The following NAV3 variants were observed in gnomAD, a reference collection of about 807,000 sequenced individuals.
NAV3 encodes pore membrane and/or filament interacting like protein 1.
NAV3 carries 87 observed loss-of-function variants against 244.7 expected under a neutral mutation model. The observed-to-expected ratio is 0.36, with a 90% confidence interval of 0.30 to 0.42. The LOEUF (loss-of-function observed/expected upper bound fraction) is 0.42. Ranked by LOEUF, NAV3 falls within the 20% of genes least tolerant of loss-of-function variation. The pLI is 1.00. For synonymous variants in NAV3, 1,126 were observed against 1,042.2 expected (o/e 1.08, Z -1.55); for missense variants, 2,663 against 2,893.3 (o/e 0.92, Z 1.83).
intron 1 of NAV3, among the ~76,000 whole-genome samples, chr12:77,929,419 A>G (rs150934148): frequency 2.5e-4 from 38 of 152,270 alleles, no homozygotes; most frequent in African/African-American, 8.7e-4. Flanking sequence ...GCCAGTCTTT[A>G]TTGAGTGTCT....
At position 77,579,782 on chromosome 12, in the gene NAV3, C is replaced by T. The variant is rs180788384; in HGVS notation, c.72+7516C>T. Reference sequence around the variant, plus strand: ...ATGTCTTTGGGAAGATCCAGTAAAACATAGTACAGCAAAGAGTTAAAAGCA... The same window carrying T: ...ATGTCTTTGGGAAGATCCAGTAAAATATAGTACAGCAAAGAGTTAAAAGCA... On this transcript the variant is annotated intron_variant, in intron 2 of 8. Transcript: ENST00000550042. Among the ~76,000 whole-genome samples, 33 of 152,302 alleles carry T rather than the reference C, an allele frequency of 2.2e-4. No homozygotes were observed. In the East Asian group the frequency reaches 4.4e-3, roughly 20 times the overall value.
chr12:77,845,279 G>A lies in NAV3; in HGVS notation c.243+13575G>A, dbSNP rs76536329. On this transcript the variant is annotated intron_variant, in intron 1 of 39. Transcript: ENST00000397909. ...GTAGTGATTTATGGGATAGAGCTCA[G>A]ATGGGTTTGTGCTTAGATTGGGGCT... is the stretch of plus-strand genomic sequence containing the variant. 6.4e-3 allele frequency among the ~76,000 whole-genome samples: 978 copies of A among 152,278 alleles called. 13 individuals carry two copies. The highest frequency in any genetic ancestry group is 0.022 in the African/African-American group (899 of 41,552).
chr12:77,635,874 G>C (rs952171510), intron 2 of NAV3, among the ~76,000 whole-genome samples: 1 of 152,072 alleles, frequency 6.6e-6, no homozygotes, highest in Non-Finnish European at 1.5e-5. Context: ...CAAAGTAACA[G>C]AGTTAATATA....
intron 8 of NAV3, among the ~76,000 whole-genome samples, chr12:78,017,169 CT>C (rs1876366541): frequency 6.6e-6 from 1 of 152,052 alleles, no homozygotes; most frequent in South Asian, 2.1e-4. Context: ...GTGATAGGCT[CT>C]AGGAAAATAC....
chr12:77,853,970 T>C lies in NAV3; in HGVS notation c.243+22266T>C, dbSNP rs543154253. 5.3e-5 allele frequency among the ~76,000 whole-genome samples: 8 copies of C among 152,340 alleles called. No individual in the cohort carries two copies. In the South Asian group the frequency reaches 1.7e-3, roughly 32 times the overall value. ...TCAGGGATAATTGAGGAACTCAGAA[T>C]TGACTTTGGGAAGCAGTCTGTTAGC... is the stretch of plus-strand genomic sequence containing the variant. On this transcript the variant is annotated intron_variant, in intron 1 of 39. Transcript: ENST00000397909.
intron 23 of NAV3, among the ~76,000 whole-genome samples, chr12:78,166,136 A>C (rs1463699101): frequency 6.6e-6 from 1 of 151,958 alleles, no homozygotes. Flanking sequence ...AACAAACTAC[A>C]TTAAATAGTC....
chr12:78,207,828 G>T (rs1369503407), intron 39 of NAV3, among the ~76,000 whole-genome samples: 1 of 152,312 alleles, frequency 6.6e-6, no homozygotes, highest in African/African-American at 2.4e-5. Context: ...TTTGAGCCAT[G>T]ATTTACCTAG....
At chr12:78,207,101 G>GTATTT (rs2140108361) in intron 39 of NAV3, among the ~76,000 whole-genome samples, 1 of 151,890 alleles carries the variant, frequency 6.6e-6, no homozygotes, top group African/African-American at 2.4e-5. Context: ...TTATTTCTAT[G>GTATTT]TATTTTTGTA....
At chr12:77,897,292 G>T (rs1884736184) in intron 1 of NAV3, among the ~76,000 whole-genome samples, 1 of 152,158 alleles carries the variant, frequency 6.6e-6, no homozygotes, top group Non-Finnish European at 1.5e-5. Context: ...AATTCTCATG[G>T]AAGTAAATCT....
intron 3 of NAV3, among the ~76,000 whole-genome samples, chr12:77,946,102 GTATATATA>G (rs35092398): frequency 7.0e-6 from 1 of 142,000 alleles, no homozygotes; most frequent in East Asian, 2.0e-4. Context: ...ATATATATAT[GTATATATA>G]TATATATATA....
At position 77,694,473 on chromosome 12, in the gene NAV3, AT is replaced by A. The variant is rs549601132; in HGVS notation, c.72+122209del. Among the ~76,000 whole-genome samples, 523 of 148,510 alleles carry A rather than the reference AT, an allele frequency of 3.5e-3. 4 individuals carry two copies. The highest frequency in any genetic ancestry group is 0.013 in the African/African-American group (501 of 38,618). ...GGGCTACAGAGCAAACTCCATCTCA[AT>A]TAAAAAAAAAAAAAAAGGCAGTCTC... On this transcript the variant is annotated intron_variant, in intron 2 of 8. Transcript: ENST00000550042.
chr12:77,589,616 T>A (rs1307172203), intron 2 of NAV3, among the ~76,000 whole-genome samples: 2 of 152,166 alleles, frequency 1.3e-5, no homozygotes, highest in East Asian at 3.9e-4. Flanking sequence ...AACCATCAGA[T>A]CTCATGAGAA....
At chr12:77,759,279 C>T (rs1869347304) in intron 2 of NAV3, among the ~76,000 whole-genome samples, 1 of 152,024 alleles carries the variant, frequency 6.6e-6, no homozygotes, top group Non-Finnish European at 1.5e-5. Context: ...GTAGTAGTTG[C>T]CTTACAAATA....
intron 2 of NAV3, among the ~76,000 whole-genome samples, chr12:77,699,179 A>G (rs977617688): frequency 3.9e-5 from 6 of 152,142 alleles, no homozygotes; most frequent in African/African-American, 1.4e-4. Flanking sequence ...GCAATAGAAG[A>G]CACGCTGGCT....
At chr12:77,906,051 T>A (rs1885933749) in intron 1 of NAV3, among the ~76,000 whole-genome samples, 1 of 152,130 alleles carries the variant, frequency 6.6e-6, no homozygotes, top group Non-Finnish European at 1.5e-5. Context: ...TTCTTCTCCC[T>A]GAAAATTGTG....
chr12:78,101,966 TA>T (rs1389040365), intron 12 of NAV3, among the ~76,000 whole-genome samples: 1 of 152,210 alleles, frequency 6.6e-6, no homozygotes, highest in Non-Finnish European at 1.5e-5. Flanking sequence ...TAAATTACCA[TA>T]AAAATGTGCG....
intron 1 of NAV3, among the ~76,000 whole-genome samples, chr12:77,841,946 A>C (rs1875736850): frequency 6.6e-6 from 1 of 152,176 alleles, no homozygotes; most frequent in Admixed American, 6.5e-5. Context: ...ATTTCAAGAG[A>C]GACTAGGAAA....
intron 1 of NAV3, among the ~76,000 whole-genome samples, chr12:77,917,592 G>T (rs59781127): frequency 8.6e-5 from 13 of 152,024 alleles, no homozygotes; most frequent in Non-Finnish European, 1.6e-4. Flanking sequence ...CCTGGGTATT[G>T]CCTGTTTGCC....
intron 2 of NAV3, among the ~76,000 whole-genome samples, chr12:77,721,784 A>T (rs574451057): frequency 6.6e-6 from 1 of 152,240 alleles, no homozygotes; most frequent in African/African-American, 2.4e-5. Context: ...TTCCCAAGGA[A>T]TTTAGAGCAG....
Sources: gnomAD v4.1 joint callset for allele counts (sites outside exome capture counted in the v4.1 genomes callset) on GRCh38, gnomAD v4.1.1 for gene constraint, MANE v1.5 for transcripts, NCBI Gene and HGNC (gene_info 2026-07-23, HGNC 2026-07-21) for gene names.